The following AR variants were observed in gnomAD, a reference collection of about 807,000 sequenced individuals.
AR encodes the protein androgen receptor.
A neutral mutation model predicts 53.9 loss-of-function variants in AR; 8 were observed. That is an observed-to-expected ratio of 0.15 (90% confidence interval 0.09 to 0.27). The LOEUF (loss-of-function observed/expected upper bound fraction) is 0.27. Among genes scored for constraint, AR ranks in the 10% least tolerant of loss-of-function variants. The probability of loss-of-function intolerance (pLI) is 1.00; values close to 1 mark genes in which losing one functional copy is unlikely to be tolerated. For missense variants in AR, 639 were observed against 742.5 expected, an observed-to-expected ratio of 0.86 and a Z score of 1.62; for synonymous variants, 359 against 316.4, an observed-to-expected ratio of 1.13 and a Z score of -1.43.
chrX:67,674,880 C>T (rs1050390887), intron 2 of AR, among the ~76,000 whole-genome samples: 1 of 111,172 alleles, frequency 9.0e-6, no homozygotes. Context: ...CTATAGCCAC[C>T]ACAGCTGGGA....
intron 2 of AR, among the ~76,000 whole-genome samples, chrX:67,660,763 A>G (rs1034581421): frequency 2.7e-5 from 3 of 111,894 alleles, no homozygotes; most frequent in African/African-American, 6.5e-5. Flanking sequence ...AGTCATGGGT[A>G]GCTTGATGAG....
rs141971417 is a variant in AR at position 67,568,144 on chromosome X, G to T, written c.1616+21382G>T. ...AAGCTCATTTCAAGTAGGCACGTCT[G>T]TGTCTGGGCGTCTATTTTCCTTCTT... On this transcript the variant is annotated intron_variant, in intron 1 of 7. Coordinates refer to ENST00000374690, the MANE Select transcript of AR (RefSeq NM_000044.6). 6.7e-3 allele frequency among the ~76,000 whole-genome samples: 751 copies of T among 111,730 alleles called. 6 individuals carry two copies. The highest frequency in any genetic ancestry group is 0.023 in the African/African-American group (721 of 30,745).
chrX:67,708,509 C>T (rs773715874), intron 3 of AR, among the ~76,000 whole-genome samples: 8 of 111,632 alleles, frequency 7.2e-5, no homozygotes, highest in Admixed American at 3.8e-4. Context: ...CATTTAAGGC[C>T]GTCTCTACAT....
chrX:67,626,204 C>T (rs991152753), intron 1 of AR, among the ~76,000 whole-genome samples: 3 of 110,278 alleles, frequency 2.7e-5, no homozygotes, highest in African/African-American at 9.9e-5. Context: ...TAACCATCCC[C>T]ACTCCCCTGC....
chrX:67,573,332 T>C (rs1921906426), intron 1 of AR, among the ~76,000 whole-genome samples: 1 of 111,964 alleles, frequency 8.9e-6, no homozygotes, highest in African/African-American at 3.2e-5. Flanking sequence ...GTTAGAAAGA[T>C]AGAGTAAGAT....
At chrX:67,691,433 C>T (rs776593699) in intron 3 of AR, among the ~76,000 whole-genome samples, 1 of 111,901 alleles carries the variant, frequency 8.9e-6, no homozygotes, top group South Asian at 3.7e-4. Context: ...TATCATGGTC[C>T]TGCTCAGGAA....
At chrX:67,642,381 A>T (rs1391374765) in intron 1 of AR, among the ~76,000 whole-genome samples, 1 of 111,679 alleles carries the variant, frequency 9.0e-6, no homozygotes, top group Non-Finnish European at 1.9e-5. Context: ...AGGTTTTAGG[A>T]TTGGCTTTCT....
chrX:67,569,219 G>T (rs374898630), intron 1 of AR, among the ~76,000 whole-genome samples: 1 of 102,905 alleles, frequency 9.7e-6, no homozygotes, highest in Admixed American at 1.1e-4. Context: ...GTGTGGGGGG[G>T]GGTTGGGGGT....
At position 67,697,894 on chromosome X, in the gene AR, C is replaced by G. The variant is rs546023803; in HGVS notation, c.1885+11768C>G. Among the ~76,000 whole-genome samples, 49 of 111,953 alleles carry G rather than the reference C, an allele frequency of 4.4e-4. 1 individual carries two copies. Among genetic ancestry groups the G allele is most frequent in the African/African-American group, 1.5e-3 (46 of 30,876 alleles). ...ATTCTGCCTCCTGGAGTTCAGTGCA[C>G]TTTTTCACCATGCTTTAATCTTGGA... On this transcript the variant is annotated intron_variant, in intron 3 of 7. Transcript: ENST00000374690.
intron 1 of AR, among the ~76,000 whole-genome samples, chrX:67,584,076 A>G (rs984500294): frequency 1.4e-4 from 16 of 112,387 alleles, no homozygotes; most frequent in African/African-American, 5.2e-4. Context: ...TATTTACTCC[A>G]TGAATAGTTG....
rs1288459077 is a variant in AR at position 67,546,455 on chromosome X, A to C, written c.1309A>C (p.Thr437Pro). 1 of 1,176,189 alleles carries C rather than the reference A, an allele frequency of 8.5e-7. No homozygotes were observed. Among genetic ancestry groups the C allele is most frequent in the Non-Finnish European group, 1.1e-6 (1 of 879,261 alleles). The change falls in exon 1 of 8, where the codon ACT (threonine) becomes CCT (proline). Residue 437 changes from threonine to proline, a missense_variant. Coordinates refer to ENST00000374690, the MANE Select transcript of AR (RefSeq NM_000044.6). ...PSAAASSSWHTLFTAEEGQLY... is the reference protein window; with the variant it reads ...PSAAASSSWHPLFTAEEGQLY... The stretch of plus-strand genomic sequence containing the variant: ...AGCCGCCGCTTCCTCATCCTGGCAC[A>C]CTCTCTTCACAGCCGAAGAAGGCCA...
chrX:67,715,859 A>G (rs1204512584), intron 4 of AR, among the ~76,000 whole-genome samples: 1 of 112,003 alleles, frequency 8.9e-6, no homozygotes, highest in Non-Finnish European at 1.9e-5. Flanking sequence ...AAAATTTCAG[A>G]TAATTCTGGA....
chrX:67,706,231 C>T (rs1055119556), intron 3 of AR, among the ~76,000 whole-genome samples: 1 of 111,667 alleles, frequency 9.0e-6, no homozygotes, highest in Admixed American at 9.5e-5. Context: ...GTACCAGCTC[C>T]TCCTTGTACC....
chrX:67,616,202 AT>A (rs1032995533), intron 1 of AR, among the ~76,000 whole-genome samples: 3 of 111,173 alleles, frequency 2.7e-5, no homozygotes, highest in African/African-American at 9.8e-5. Flanking sequence ...CTCCATTATT[AT>A]TTTTTTATTA....
At chrX:67,628,487 G>T (rs1350319917) in intron 1 of AR, among the ~76,000 whole-genome samples, 1 of 108,207 alleles carries the variant, frequency 9.2e-6, no homozygotes, top group African/African-American at 3.3e-5. Context: ...CATTGATTTT[G>T]TATCCTGAGA....
intron 2 of AR, among the ~76,000 whole-genome samples, chrX:67,662,041 C>A (rs762444414): frequency 9.0e-6 from 1 of 111,386 alleles, no homozygotes; most frequent in South Asian, 3.8e-4. Flanking sequence ...GATTATATCC[C>A]CTTTATCATT....
In AR at chrX:67,724,638, G is replaced by C. The variant is rs1037357453; in HGVS notation, c.*797G>C. The stretch of plus-strand genomic sequence containing the variant: ...CCACAGCCTTGGTCCCTGGGGGCTA[G>C]ACTGCTCAACTGTGGAGCAATTCAT... On this transcript the variant is annotated 3_prime_UTR_variant, in exon 8 of 8. Coordinates refer to ENST00000374690, the MANE Select transcript of AR (RefSeq NM_000044.6). 14 of 173,971 alleles carry C rather than the reference G, an allele frequency of 8.0e-5. No individual in the cohort carries two copies. Among genetic ancestry groups the C allele is most frequent in the Non-Finnish European group, 1.3e-4 (12 of 91,591 alleles). The allele number at this position is 173,971 out of a possible 1,213,427, so 14.3% of individuals were successfully genotyped here. A position where few individuals can be genotyped will look rare whatever the true frequency, so the allele number is the denominator to read the frequency against.
intron 3 of AR, among the ~76,000 whole-genome samples, chrX:67,693,432 C>T (rs1399841970): frequency 8.9e-6 from 1 of 112,165 alleles, no homozygotes; most frequent in East Asian, 2.8e-4. Flanking sequence ...GCTTCACTTT[C>T]GTTGGTAACC....
chrX:67,599,751 C>G (rs1348309448), intron 1 of AR, among the ~76,000 whole-genome samples: 4 of 112,313 alleles, frequency 3.6e-5, no homozygotes. Context: ...TGATTTATTT[C>G]AAAATAAGCT....
Sources: allele counts gnomAD v4.1 joint callset (sites outside exome capture counted in the v4.1 genomes callset), GRCh38; gene constraint gnomAD v4.1.1; transcripts MANE v1.5; gene names NCBI Gene and HGNC (gene_info 2026-07-23, HGNC 2026-07-21).